The following CSMD1 variants were observed in gnomAD, a reference collection of about 807,000 sequenced individuals.
CSMD1 encodes CUB and sushi domain-containing protein 1.
Under a neutral mutation model 417.5 loss-of-function variants are expected in CSMD1, and 213 were observed. That is an observed-to-expected ratio of 0.51 (90% CI 0.46 to 0.57). The LOEUF is 0.57. Ranked by LOEUF, CSMD1 falls within the 20% of genes least tolerant of loss-of-function variation. The pLI is 0.00. For synonymous variants in CSMD1, 2,862 were observed against 1,736.8 expected (o/e 1.65, Z -16.11); for missense variants, 6,923 against 4,529.7 (o/e 1.53, Z -15.17).
At chr8:3,034,309 A>G (rs183287082) in intron 50 of CSMD1, among the ~76,000 whole-genome samples, 1 of 152,276 alleles carries the variant, frequency 6.6e-6, no homozygotes, top group East Asian at 1.9e-4. Flanking sequence ...TCTATATATT[A>G]CTAATGGTCA....
intron 2 of CSMD1, among the ~76,000 whole-genome samples, chr8:4,619,499 T>G (rs529009597): frequency 6.6e-6 from 1 of 152,160 alleles, no homozygotes; most frequent in Non-Finnish European, 1.5e-5. Context: ...ACTAGGTAAC[T>G]GCAAAATGTC....
At chr8:4,385,854 T>C (rs1256029128) in intron 3 of CSMD1, among the ~76,000 whole-genome samples, 1 of 152,214 alleles carries the variant, frequency 6.6e-6, no homozygotes, top group African/African-American at 2.4e-5. Context: ...AAAATCTGGA[T>C]ATTTAAAAAT....
At chr8:4,776,967 T>C (rs1796884566) in intron 1 of CSMD1, among the ~76,000 whole-genome samples, 1 of 152,202 alleles carries the variant, frequency 6.6e-6, no homozygotes, top group Admixed American at 6.5e-5. Flanking sequence ...CTAACAATTA[T>C]TTGTCAATAT....
chr8:4,234,968 C>T (rs1338220653), intron 3 of CSMD1, among the ~76,000 whole-genome samples: 4 of 152,112 alleles, frequency 2.6e-5, no homozygotes, highest in Non-Finnish European at 5.9e-5. Context: ...GTGTTCATGA[C>T]CTCATGGAAT....
intron 5 of CSMD1, among the ~76,000 whole-genome samples, chr8:3,954,389 G>C (rs983946091): frequency 3.9e-5 from 6 of 152,096 alleles, no homozygotes; most frequent in African/African-American, 1.4e-4. Context: ...TTGAGACGGA[G>C]TCTCGCTCTG....
intron 11 of CSMD1, among the ~76,000 whole-genome samples, chr8:3,484,414 C>A (rs1817910298): frequency 6.6e-6 from 1 of 152,168 alleles, no homozygotes; most frequent in African/African-American, 2.4e-5. Context: ...ACCTCTGTCT[C>A]ATGCCATATA....
intron 4 of CSMD1, among the ~76,000 whole-genome samples, chr8:4,003,746 G>C (rs984227652): frequency 1.3e-5 from 2 of 152,188 alleles, no homozygotes; most frequent in African/African-American, 4.8e-5. Context: ...GAGTGACACT[G>C]AGAGGGCTCA....
At chr8:4,510,149 C>T (rs751226835) in intron 2 of CSMD1, among the ~76,000 whole-genome samples, 1 of 151,976 alleles carries the variant, frequency 6.6e-6, no homozygotes. Context: ...GCTCCCTTTG[C>T]CTGCTGCCAT....
chr8:3,010,406 G>A (rs76346084), intron 52 of CSMD1, among the ~76,000 whole-genome samples: 8,550 of 152,176 alleles, frequency 0.056, 264 homozygotes, highest in African/African-American at 0.081. Context: ...GCCCTAGAGC[G>A]GGTGTCAGAG....
intron 3 of CSMD1, among the ~76,000 whole-genome samples, chr8:4,417,741 A>G (rs979413419): frequency 3.3e-5 from 5 of 151,988 alleles, no homozygotes; most frequent in Admixed American, 6.6e-5. Context: ...GTGACTCTAA[A>G]TCAACTTGAA....
intron 3 of CSMD1, among the ~76,000 whole-genome samples, chr8:4,375,742 G>C (rs752627265): frequency 1.3e-5 from 2 of 152,098 alleles, no homozygotes; most frequent in African/African-American, 4.8e-5. Flanking sequence ...CCGACTGCCT[G>C]CACCATGCCC....
intron 1 of CSMD1, among the ~76,000 whole-genome samples, chr8:4,948,673 A>G (rs907251369): frequency 2.6e-5 from 4 of 152,078 alleles, no homozygotes; most frequent in African/African-American, 9.7e-5. Flanking sequence ...TGCTAAACTC[A>G]TATTTTTAAA....
At chr8:3,208,221 G>A (rs566567963) in intron 30 of CSMD1, among the ~76,000 whole-genome samples, 3 of 151,244 alleles carry the variant, frequency 2.0e-5, no homozygotes, top group South Asian at 2.1e-4. Context: ...AAGTGGAAAC[G>A]TCATCACTGG....
At chr8:3,325,991 A>G (rs1031500716) in intron 23 of CSMD1, among the ~76,000 whole-genome samples, 1 of 152,194 alleles carries the variant, frequency 6.6e-6, no homozygotes, top group South Asian at 2.1e-4. Context: ...ATCAATGGAA[A>G]AGCTGGTCCT....
At chr8:4,470,518 C>T (rs556183037) in intron 2 of CSMD1, among the ~76,000 whole-genome samples, 3 of 152,304 alleles carry the variant, frequency 2.0e-5, no homozygotes, top group East Asian at 1.9e-4. Context: ...GAATTCCTTA[C>T]ATTAAATGAA....
chr8:3,694,201 G>T (rs1288745496), intron 7 of CSMD1, among the ~76,000 whole-genome samples: 1 of 152,014 alleles, frequency 6.6e-6, no homozygotes, highest in East Asian at 1.9e-4. Flanking sequence ...TCCATAGATG[G>T]GGCAGGGACC....
chr8:4,444,274 G>A (rs1295303558), intron 2 of CSMD1, among the ~76,000 whole-genome samples: 2 of 149,032 alleles, frequency 1.3e-5, no homozygotes, highest in Admixed American at 1.4e-4. Flanking sequence ...CCTGGGCTGG[G>A]AGGTGGACGT....
chr8:3,114,679 A>G (rs1816747431), intron 42 of CSMD1, among the ~76,000 whole-genome samples: 1 of 152,086 alleles, frequency 6.6e-6, no homozygotes, highest in Non-Finnish European at 1.5e-5. Flanking sequence ...AATGCAGGTA[A>G]GAAAAATAAG....
At chr8:4,304,521 G>C (rs1277965096) in intron 3 of CSMD1, among the ~76,000 whole-genome samples, 4 of 152,138 alleles carry the variant, frequency 2.6e-5, no homozygotes, top group African/African-American at 9.7e-5. Flanking sequence ...TTCAGTGTCA[G>C]GACTGGGCCA....
Sources: gnomAD v4.1 joint callset for allele counts (sites outside exome capture counted in the v4.1 genomes callset) on GRCh38, gnomAD v4.1.1 for gene constraint, MANE v1.5 for transcripts, NCBI Gene and HGNC (gene_info 2026-07-23, HGNC 2026-07-21) for gene names.